Variants in DACH2 observed in about 807,000 individuals in gnomAD.
DACH2 encodes dachshund family transcription factor 2.
DACH2 carries 17 observed loss-of-function variants against 35.8 expected under a neutral mutation model. The observed-to-expected ratio is 0.48, with a 90% CI of 0.33 to 0.71. The LOEUF (loss-of-function observed/expected upper bound fraction) is 0.71. Ranked by LOEUF, DACH2 falls within the 30% of genes least tolerant of loss-of-function variation. The probability of loss-of-function intolerance (pLI) is 0.02; values close to 1 mark genes in which losing one functional copy is unlikely to be tolerated. For synonymous variants in DACH2, 195 were observed against 177.3 expected (o/e 1.10, Z -0.79); for missense variants, 469 against 472.7 (o/e 0.99, Z 0.07).
intron 2 of DACH2, among the ~76,000 whole-genome samples, chrX:86,399,237 G>T (rs368195312): frequency 9.0e-6 from 1 of 111,364 alleles, no homozygotes; most frequent in East Asian, 2.8e-4. Context: ...TTGCTTGGTA[G>T]ATCTTCCTCC....
intron 1 of DACH2, among the ~76,000 whole-genome samples, chrX:86,340,771 C>T (rs779309695): frequency 1.2e-4 from 13 of 111,890 alleles, no homozygotes; most frequent in Admixed American, 5.7e-4. Context: ...AGTGAACACA[C>T]GGATAATAAA....
At chrX:86,282,511 A>G (rs1278097434) in intron 1 of DACH2, among the ~76,000 whole-genome samples, 1 of 111,538 alleles carries the variant, frequency 9.0e-6, no homozygotes, top group East Asian at 2.8e-4. Context: ...CTTAAAATGG[A>G]TTAAAGACCT....
intron 7 of DACH2, among the ~76,000 whole-genome samples, chrX:86,767,937 TTTG>T (rs2147291665): frequency 9.0e-6 from 1 of 111,255 alleles, no homozygotes; most frequent in Admixed American, 9.6e-5. Flanking sequence ...TTGTTTGTTG[TTTG>T]TTTTTTGTTT....
At chrX:86,254,634 T>C (rs2033465128) in intron 1 of DACH2, among the ~76,000 whole-genome samples, 1 of 91,073 alleles carries the variant, frequency 1.1e-5, no homozygotes, top group Non-Finnish European at 2.1e-5. Flanking sequence ...TCTGCAGTGC[T>C]CTGAAAATGA....
rs144557569 is a variant in DACH2, at chrX:86,317,317, C to T, written c.489-59507C>T. 6.9e-4 allele frequency among the ~76,000 whole-genome samples: 76 copies of T among 110,825 alleles called. No individual in the cohort carries two copies. In the South Asian group the frequency reaches 0.02, roughly 29 times the overall value. On this transcript the variant is annotated intron_variant, in intron 1 of 11. Transcript: ENST00000373125. Reference sequence around the variant, plus strand: ...CTTGGTCTTACTTTCTCCAAAAAAACGAAACCTCTGGGTTATAGGTTATCT... The same window carrying T: ...CTTGGTCTTACTTTCTCCAAAAAAATGAAACCTCTGGGTTATAGGTTATCT...
intron 1 of DACH2, among the ~76,000 whole-genome samples, chrX:86,296,688 T>C (rs920603901): frequency 1.8e-5 from 2 of 111,475 alleles, no homozygotes; most frequent in Admixed American, 1.9e-4. Context: ...TTTTGAGATG[T>C]ACACATACAT....
rs143878983 is a variant in DACH2, at chrX:86,637,655, A to G, written c.641-13381A>G. Among the ~76,000 whole-genome samples, 531 of 111,721 alleles carry G rather than the reference A, an allele frequency of 4.8e-3. 2 individuals are homozygous for G. Among genetic ancestry groups the G allele is most frequent in the African/African-American group, 0.017 (513 of 30,752 alleles). Reference sequence around the variant, plus strand: ...AAGCAAATACCACATATCCTCACTTATAAGTGGGAGCTAAATGATGAGAAC... The same window carrying G: ...AAGCAAATACCACATATCCTCACTTGTAAGTGGGAGCTAAATGATGAGAAC... On this transcript the variant is annotated intron_variant, in intron 3 of 11. Transcript: ENST00000373125.
intron 2 of DACH2, among the ~76,000 whole-genome samples, chrX:86,455,306 G>A (rs917906721): frequency 9.0e-6 from 1 of 111,449 alleles, no homozygotes; most frequent in Non-Finnish European, 1.9e-5. Context: ...TTTTGGTAGA[G>A]CAGGTGTGCT....
chrX:86,369,666 G>A (rs1370597611), intron 1 of DACH2, among the ~76,000 whole-genome samples: 1 of 111,680 alleles, frequency 9.0e-6, no homozygotes, highest in African/African-American at 3.2e-5. Flanking sequence ...CCAAATGTTA[G>A]AAAAAGTTAA....
chrX:86,827,781 C>T lies in DACH2; in HGVS notation c.1751-4325C>T, dbSNP rs140046919. 1.8e-3 allele frequency: 2,064 copies of T among 1,163,777 alleles called. 16 individuals carry two copies. The African/African-American group carries it at 0.03, about 17-fold the overall frequency. ...TTCTGTGCAGCCTGAACACTGATGCCGGAACTCCAACTGATCATAGGCACG... is the reference window on the plus strand; with the variant it reads ...TTCTGTGCAGCCTGAACACTGATGCTGGAACTCCAACTGATCATAGGCACG... On this transcript the variant is annotated intron_variant, in intron 11 of 11. Coordinates refer to ENST00000373125, the MANE Select transcript of DACH2 (RefSeq NM_053281.3).
chrX:86,623,306 G>C (rs896038430), intron 3 of DACH2, among the ~76,000 whole-genome samples: 1 of 112,654 alleles, frequency 8.9e-6, no homozygotes, highest in Non-Finnish European at 1.9e-5. Context: ...GGGAATTAAA[G>C]AAAATATTTG....
intron 1 of DACH2, among the ~76,000 whole-genome samples, chrX:86,243,443 C>G (rs1461815531): frequency 8.9e-6 from 1 of 111,773 alleles, no homozygotes; most frequent in Non-Finnish European, 1.9e-5. Flanking sequence ...CTCAGTCACA[C>G]TAAAATTCAT....
rs1435028712 is a variant in DACH2, at chrX:86,832,095, T to G, written c.1751-11T>G. ...CTTCATAAGAACTAACTTGTTTTCT[T>G]TTTTTTTAAGGAGGTAACTATTACT... On this transcript the variant is annotated splice_polypyrimidine_tract_variant and intron_variant, in intron 11 of 11. Coordinates refer to ENST00000373125, the MANE Select transcript of DACH2 (RefSeq NM_053281.3). 1.7e-6 allele frequency: 2 copies of G among 1,163,175 alleles called. No homozygotes were observed. Among genetic ancestry groups the G allele is most frequent in the African/African-American group, 1.8e-5 (1 of 55,842 alleles).
chrX:86,340,571 G>A (rs1485240046), intron 1 of DACH2, among the ~76,000 whole-genome samples: 1 of 111,071 alleles, frequency 9.0e-6, no homozygotes, highest in African/African-American at 3.3e-5. Flanking sequence ...TGCCCTCTAA[G>A]TGTTCAAGTG....
At chrX:86,244,468 G>T (rs1277986539) in intron 1 of DACH2, among the ~76,000 whole-genome samples, 1 of 111,939 alleles carries the variant, frequency 8.9e-6, no homozygotes, top group East Asian at 2.8e-4. Context: ...TCCAAAATTA[G>T]CTGGGCATGT....
intron 1 of DACH2, among the ~76,000 whole-genome samples, chrX:86,217,818 A>G (rs930289692): frequency 8.9e-6 from 1 of 112,285 alleles, no homozygotes; most frequent in African/African-American, 3.2e-5. Flanking sequence ...TGACAGAAAG[A>G]TCATGTAGGA....
chrX:86,460,958 C>T (rs1390797766), intron 2 of DACH2, among the ~76,000 whole-genome samples: 3 of 111,375 alleles, frequency 2.7e-5, no homozygotes, highest in Non-Finnish European at 5.7e-5. Context: ...GCTTGCCTTG[C>T]ACAAATTGAT....
chrX:86,827,670 T>C (rs2042574860), intron 11 of DACH2: 1 of 706,354 alleles, frequency 1.4e-6, no homozygotes, highest in Non-Finnish European at 2.2e-6. Context: ...TACTATAAAG[T>C]GAGTTTGTGG....
At chrX:86,744,954 C>T (rs1236477993) in intron 7 of DACH2, among the ~76,000 whole-genome samples, 1 of 110,840 alleles carries the variant, frequency 9.0e-6, no homozygotes, top group Non-Finnish European at 1.9e-5. Flanking sequence ...AAACCCCCTT[C>T]CTCTGGCAGC....
Sources: gnomAD v4.1 joint callset for allele counts (sites outside exome capture counted in the v4.1 genomes callset) on GRCh38, gnomAD v4.1.1 for gene constraint, MANE v1.5 for transcripts, NCBI Gene and HGNC (gene_info 2026-07-23, HGNC 2026-07-21) for gene names.